The following SENP7 variants were observed in gnomAD, a reference collection of about 807,000 sequenced individuals.
The protein encoded by SENP7 is sentrin-specific protease 7.
Under a neutral mutation model 141.2 loss-of-function variants are expected in SENP7, and 64 were observed. The observed-to-expected ratio is 0.45, with a 90% CI of 0.37 to 0.56. The LOEUF (loss-of-function observed/expected upper bound fraction) is 0.56, where lower values mean the gene tolerates loss of function less well. SENP7 is among the 20% of genes least tolerant of loss of function. The probability of loss-of-function intolerance (pLI) is 0.00; values close to 1 mark genes in which losing one functional copy is unlikely to be tolerated. For synonymous variants in SENP7, 382 were observed against 426.4 expected (o/e 0.90, Z 1.28); for missense variants, 1,025 against 1,212.2 (o/e 0.85, Z 2.29).
At chr3:101,502,922 A>T (rs79657255) in intron 1 of SENP7, among the ~76,000 whole-genome samples, 22 of 73,764 alleles carry the variant, frequency 3.0e-4, no homozygotes, top group East Asian at 2.1e-3. Flanking sequence ...TCTCAGATTT[A>T]AAAAAAAAAA....
chr3:101,509,247 T>C (rs1195277318), intron 1 of SENP7, among the ~76,000 whole-genome samples: 2 of 152,080 alleles, frequency 1.3e-5, no homozygotes, highest in African/African-American at 4.8e-5. Context: ...TCTAGAAATA[T>C]TTCCTTCCCA....
intron 4 of SENP7, among the ~76,000 whole-genome samples, chr3:101,421,701 T>C (rs892319188): frequency 6.6e-6 from 1 of 152,170 alleles, no homozygotes; most frequent in Non-Finnish European, 1.5e-5. Flanking sequence ...TTATTATAAT[T>C]TGTCTGACTA....
intron 3 of SENP7, among the ~76,000 whole-genome samples, chr3:101,461,839 C>T (rs1308084438): frequency 6.6e-6 from 1 of 152,142 alleles, no homozygotes; most frequent in African/African-American, 2.4e-5. Flanking sequence ...AAGAACTAAA[C>T]TACTACCACA....
intron 16 of SENP7, among the ~76,000 whole-genome samples, chr3:101,339,234 C>T (rs570417821): frequency 7.9e-4 from 120 of 152,170 alleles, no homozygotes; most frequent in African/African-American, 2.8e-3. Context: ...ATTAGTAAAA[C>T]AATAGAGCTT....
intron 11 of SENP7, among the ~76,000 whole-genome samples, chr3:101,353,663 ATTAC>A (rs1348905190): frequency 6.6e-6 from 1 of 152,068 alleles, no homozygotes; most frequent in Non-Finnish European, 1.5e-5. Context: ...TGAATATAGT[ATTAC>A]TTAATTTCTC....
intron 11 of SENP7, 60 bp from the exon 12 acceptor site, chr3:101,351,711 A>ATT: frequency 7.7e-6 from 9 of 1,162,452 alleles, no homozygotes; most frequent in Non-Finnish European, 7.8e-6. Flanking sequence ...TACTATTCAA[A>ATT]TTTTTTTTTT....
chr3:101,428,634 C>T (rs2062045688), intron 4 of SENP7, among the ~76,000 whole-genome samples: 1 of 152,124 alleles, frequency 6.6e-6, no homozygotes, highest in Non-Finnish European at 1.5e-5. Context: ...AAATTTTCTC[C>T]CATTCCATAG....
At chr3:101,338,507 A>C (rs1473207355) in intron 16 of SENP7, among the ~76,000 whole-genome samples, 2 of 152,180 alleles carry the variant, frequency 1.3e-5, no homozygotes, top group African/African-American at 4.8e-5. Flanking sequence ...TATTCTTTAT[A>C]GTTTATGCAG....
intron 4 of SENP7, among the ~76,000 whole-genome samples, chr3:101,432,632 G>C (rs1333506459): frequency 2.0e-5 from 3 of 152,198 alleles, no homozygotes; most frequent in Non-Finnish European, 2.9e-5. Flanking sequence ...AAGAACAAGA[G>C]TCTCTGCCTG....
chr3:101,373,354 T>TA (rs2107446557), intron 6 of SENP7, among the ~76,000 whole-genome samples: 1 of 152,154 alleles, frequency 6.6e-6, no homozygotes, highest in African/African-American at 2.4e-5. Flanking sequence ...ATTTATACCA[T>TA]AGAGTTTTGT....
chr3:101,457,409 T>C, intron 4 of SENP7: 1 of 1,530,168 alleles, frequency 6.5e-7, no homozygotes, highest in South Asian at 1.1e-5. Flanking sequence ...CAAGCTGGTT[T>C]AAGATGTTGG....
At chr3:101,431,508 C>CTT (rs56937965) in intron 4 of SENP7, among the ~76,000 whole-genome samples, 972 of 82,828 alleles carry the variant, frequency 0.012, 42 homozygotes, top group African/African-American at 0.044. Flanking sequence ...GCAACCCCTG[C>CTT]TTTTTTTTTT....
chr3:101,475,970 C>A (rs1446987767), intron 3 of SENP7, among the ~76,000 whole-genome samples: 1 of 152,106 alleles, frequency 6.6e-6, no homozygotes, highest in Non-Finnish European at 1.5e-5. Flanking sequence ...TTGAACATTT[C>A]TGCACTATAG....
chr3:101,344,660 T>C (rs919538222), intron 13 of SENP7, among the ~76,000 whole-genome samples: 2 of 152,146 alleles, frequency 1.3e-5, no homozygotes, highest in East Asian at 1.9e-4. Flanking sequence ...TCAAGATGTA[T>C]ATTATATAGA....
At chr3:101,493,646 T>A (rs2065046979) in intron 3 of SENP7, among the ~76,000 whole-genome samples, 1 of 152,176 alleles carries the variant, frequency 6.6e-6, no homozygotes, top group Admixed American at 6.6e-5. Flanking sequence ...GATTTAAATT[T>A]CATGAAGTAA....
At chr3:101,399,628 T>C (rs1372308605) in intron 5 of SENP7, among the ~76,000 whole-genome samples, 1 of 152,212 alleles carries the variant, frequency 6.6e-6, no homozygotes, top group African/African-American at 2.4e-5. Context: ...ATTTAAATGT[T>C]TAGAAAATTA....
intron 6 of SENP7, among the ~76,000 whole-genome samples, chr3:101,374,990 G>A (rs1276277030): frequency 6.6e-6 from 1 of 151,946 alleles, no homozygotes; most frequent in African/African-American, 2.4e-5. Flanking sequence ...CATACAAATG[G>A]CCAATTAGCA....
intron 6 of SENP7, among the ~76,000 whole-genome samples, chr3:101,390,360 C>T (rs1019415704): frequency 2.1e-5 from 3 of 139,652 alleles, no homozygotes; most frequent in African/African-American, 8.0e-5. Context: ...AAAAAAAATA[C>T]ATTCCACACA....
intron 6 of SENP7, among the ~76,000 whole-genome samples, chr3:101,385,864 G>A (rs1232742416): frequency 1.3e-5 from 2 of 152,162 alleles, no homozygotes; most frequent in African/African-American, 4.8e-5. Context: ...CTCCTCAAAT[G>A]AGCAGACAAC....
Sources: gnomAD v4.1 joint callset for allele counts (sites outside exome capture counted in the v4.1 genomes callset) on GRCh38, gnomAD v4.1.1 for gene constraint, MANE v1.5 for transcripts, NCBI Gene and HGNC (gene_info 2026-07-23, HGNC 2026-07-21) for gene names.